FMN2: variants seen among roughly 807,000 people sequenced by gnomAD.
The protein encoded by FMN2 is formin-2.
In FMN2, 51 loss-of-function variants were observed where a neutral mutation model predicts 142.3. The ratio of observed to expected loss-of-function variants is 0.36; its 90% CI spans 0.29 to 0.45. The LOEUF is 0.45. Ranked by LOEUF, FMN2 falls within the 20% of genes least tolerant of loss-of-function variation. The pLI, the probability that FMN2 is intolerant of heterozygous loss-of-function variation, is 1.00. For missense variants in FMN2, 1,936 were observed against 2,122.8 expected, an observed-to-expected ratio of 0.91 and a Z score of 1.73; for synonymous variants, 882 against 869.8, an observed-to-expected ratio of 1.01 and a Z score of -0.25.
chr1:240,230,739 A>T (rs1311017674), intron 6 of FMN2, among the ~76,000 whole-genome samples: 1 of 131,864 alleles, frequency 7.6e-6, no homozygotes, highest in African/African-American at 3.2e-5. Flanking sequence ...TTTTACTTGC[A>T]GCTCCTTTTA....
At chr1:240,342,512 T>C (rs137890642) in intron 13 of FMN2, among the ~76,000 whole-genome samples, 1 of 152,296 alleles carries the variant, frequency 6.6e-6, no homozygotes, top group African/African-American at 2.4e-5. Context: ...TTTATAGCCC[T>C]TTTAAAAGTT....
At chr1:240,417,008 G>A (rs1674599126) in intron 15 of FMN2, among the ~76,000 whole-genome samples, 1 of 151,320 alleles carries the variant, frequency 6.6e-6, no homozygotes, top group African/African-American at 2.4e-5. Context: ...TTATAACTTT[G>A]TTATTTTCTC....
At chr1:240,345,270 T>G (rs1269681225) in intron 13 of FMN2, among the ~76,000 whole-genome samples, 5 of 152,298 alleles carry the variant, frequency 3.3e-5, no homozygotes, top group South Asian at 4.1e-4. Context: ...TATGAGAGTG[T>G]AAATGTCAAT....
At chr1:240,243,665 G>A (rs902528454) in intron 6 of FMN2, among the ~76,000 whole-genome samples, 2 of 152,162 alleles carry the variant, frequency 1.3e-5, no homozygotes, top group Non-Finnish European at 2.9e-5. Context: ...TTTATCTCAA[G>A]TTATGGGAAT....
intron 2 of FMN2, chr1:240,142,604 C>T: frequency 6.7e-7 from 1 of 1,488,786 alleles, no homozygotes; most frequent in African/African-American, 1.4e-5. Context: ...TGTGTCCACC[C>T]TTGGCAGCAG....
At chr1:240,220,327 C>T (rs1005294509) in intron 6 of FMN2, among the ~76,000 whole-genome samples, 2 of 152,102 alleles carry the variant, frequency 1.3e-5, no homozygotes, top group Admixed American at 6.6e-5. Flanking sequence ...CATGTGTGGC[C>T]AAGAAGACCA....
At chr1:240,192,291 A>G (rs939838954) in intron 4 of FMN2, among the ~76,000 whole-genome samples, 1 of 152,208 alleles carries the variant, frequency 6.6e-6, no homozygotes, top group African/African-American at 2.4e-5. Context: ...GGTTACTCAG[A>G]AACAAAGTTT....
chr1:240,153,051 G>A (rs1663851766), intron 2 of FMN2, among the ~76,000 whole-genome samples: 1 of 152,204 alleles, frequency 6.6e-6, no homozygotes. Context: ...TTATGTAAGA[G>A]AACATTATAG....
chr1:240,156,013 A>C (rs956448875), intron 2 of FMN2, among the ~76,000 whole-genome samples: 1 of 151,934 alleles, frequency 6.6e-6, no homozygotes, highest in African/African-American at 2.4e-5. Context: ...CTGAGGCAGG[A>C]GAATCCCTTG....
At chr1:240,413,120 C>CAAAAAAAAAAAAAAAAAAAAA (rs35590068) in intron 15 of FMN2, among the ~76,000 whole-genome samples, 1 of 24,582 alleles carries the variant, frequency 4.1e-5, no homozygotes, top group Non-Finnish European at 7.8e-5. Context: ...GAGACTCTGT[C>CAAAAAAAAAAAAAAAAAAAAA]AAAAAAAAAA....
chr1:240,240,607 A>C (rs904566347), intron 6 of FMN2, among the ~76,000 whole-genome samples: 5 of 152,210 alleles, frequency 3.3e-5, no homozygotes, highest in Non-Finnish European at 5.9e-5. Context: ...TTTTGGCAAT[A>C]TCATGAAACA....
At chr1:240,448,504 AAG>A (rs911880485) in intron 16 of FMN2, among the ~76,000 whole-genome samples, 17 of 152,290 alleles carry the variant, frequency 1.1e-4, no homozygotes, top group African/African-American at 3.6e-4. Context: ...TGCTAATGGA[AAG>A]AGATAAATAC....
chr1:240,467,277 C>CTT (rs35875922), intron 16 of FMN2, among the ~76,000 whole-genome samples: 2 of 140,918 alleles, frequency 1.4e-5, no homozygotes, highest in Non-Finnish European at 3.1e-5. Context: ...TAAATCGTTC[C>CTT]TTTTTTTTTT....
In FMN2 at chr1:240,098,097, A is replaced by ATTTTTTTTTTTTTTTTTTTTTTTTTT. The variant is rs35191164; in HGVS notation, c.1615+4394_1615+4395insTTTTTTTTTTTTTTTTTTTTTTTTTT. On this transcript the variant is annotated intron_variant, in intron 1 of 17. Coordinates refer to ENST00000319653, the MANE Select transcript of FMN2 (RefSeq NM_020066.5). Reference sequence around the variant, plus strand: ...TTGGCCTTTCTAAAGGTTATCTTGAATTTTTTTTTTTTTTTTTTTTTGGAG... The same window carrying ATTTTTTTTTTTTTTTTTTTTTTTTTT: ...TTGGCCTTTCTAAAGGTTATCTTGAATTTTTTTTTTTTTTTTTTTTTTTTTTTTTTTTTTTTTTTTTTTTTTTGGAG... Among the ~76,000 whole-genome samples the ATTTTTTTTTTTTTTTTTTTTTTTTTT allele has an allele frequency of 5.9e-4, 58 of 98,664 alleles. 4 individuals carry two copies. Among genetic ancestry groups the ATTTTTTTTTTTTTTTTTTTTTTTTTT allele is most frequent in the Middle Eastern group, 5.7e-3 (1 of 176 alleles). The allele number at this position is 98,664 out of a possible 152,430, so 64.7% of individuals were successfully genotyped here. A position where few individuals can be genotyped will look rare whatever the true frequency, so the allele number is the denominator to read the frequency against.
chr1:240,210,980 C>T lies in FMN2; in HGVS notation c.3921-111C>T, dbSNP rs577107441. 3,009 of 913,410 alleles carry T rather than the reference C, an allele frequency of 3.3e-3. 37 individuals carry two copies. Among genetic ancestry groups the T allele is most frequent in the South Asian group, 0.027 (1,266 of 46,352 alleles). 56.6% of individuals were successfully genotyped at this position (913,410 alleles called of 1,614,324 possible). On this transcript the variant is annotated intron_variant, in intron 5 of 17. Transcript: ENST00000319653. ...TCCTTCTTATCTCTCTTCTTTTTCCCTCCTTCCCTCCTGCTGGCCTTCCTC... is the reference window on the plus strand; with the variant it reads ...TCCTTCTTATCTCTCTTCTTTTTCCTTCCTTCCCTCCTGCTGGCCTTCCTC...
intron 2 of FMN2, among the ~76,000 whole-genome samples, chr1:240,139,950 T>C (rs1487389838): frequency 6.6e-6 from 1 of 152,132 alleles, no homozygotes; most frequent in Non-Finnish European, 1.5e-5. Context: ...GGAGCCAAGA[T>C]TCTCAAGGTC....
intron 7 of FMN2, among the ~76,000 whole-genome samples, chr1:240,274,106 C>G (rs912587984): frequency 1.3e-4 from 20 of 151,944 alleles, no homozygotes; most frequent in Admixed American, 1.3e-3. Context: ...TTTGCCTACT[C>G]TCTGCCAAGC....
chr1:240,329,416 A>G lies in FMN2; in HGVS notation c.4385A>G (p.Glu1462Gly), dbSNP rs1671305261. Reference sequence around the variant, plus strand: ...ATCCTGTTCCAGTCCACATTTTCAGAAAGCATTTGCTCAATTCGTCGCAAA... The same window carrying G: ...ATCCTGTTCCAGTCCACATTTTCAGGAAGCATTTGCTCAATTCGTCGCAAA... ...FCILFQSTFS[E>G]SICSIRRKLE... The change falls in exon 10 of 18, where the codon GAA becomes GGA. Residue 1462 changes from glutamate to glycine, a missense_variant. Coordinates refer to ENST00000319653, the MANE Select transcript of FMN2 (RefSeq NM_020066.5). The G allele has an allele frequency of 6.2e-7, 1 of 1,613,986 alleles. No individual in the cohort carries two copies. Among genetic ancestry groups the G allele is most frequent in the Non-Finnish European group, 8.5e-7 (1 of 1,179,980 alleles).
chr1:240,343,359 A>G (rs1671804473), intron 13 of FMN2, among the ~76,000 whole-genome samples: 1 of 152,228 alleles, frequency 6.6e-6, no homozygotes, highest in African/African-American at 2.4e-5. Flanking sequence ...TAAATGCTCT[A>G]CAAAAAGTCA....
Sources: gnomAD v4.1 joint callset for allele counts (sites outside exome capture counted in the v4.1 genomes callset) on GRCh38, gnomAD v4.1.1 for gene constraint, MANE v1.5 for transcripts, NCBI Gene and HGNC (gene_info 2026-07-23, HGNC 2026-07-21) for gene names.